Variants in PPP2R2B observed in about 807,000 individuals in gnomAD.
PPP2R2B encodes protein phosphatase 2 regulatory subunit Bbeta.
PPP2R2B carries 5 observed loss-of-function variants against 46.0 expected under a neutral mutation model. That is an observed-to-expected ratio of 0.11 (90% CI 0.06 to 0.23). PPP2R2B has a LOEUF of 0.23. Ranked by LOEUF, PPP2R2B falls within the 10% of genes least tolerant of loss-of-function variation. The pLI, the probability that PPP2R2B is intolerant of heterozygous loss-of-function variation, is 1.00. For missense variants in PPP2R2B, 367 were observed against 575.0 expected (o/e 0.64, Z 3.70); for synonymous variants, 215 against 206.7 (o/e 1.04, Z -0.34).
intron 6 of PPP2R2B, among the ~76,000 whole-genome samples, chr5:146,645,172 G>A (rs1371729938): frequency 6.6e-6 from 1 of 152,204 alleles, no homozygotes. Context: ...TTTGATGAGT[G>A]TGATTTCCTT....
chr5:146,763,022 C>T (rs542474956), intron 2 of PPP2R2B, among the ~76,000 whole-genome samples: 1 of 152,316 alleles, frequency 6.6e-6, no homozygotes, highest in East Asian at 1.9e-4. Flanking sequence ...CCGCCTGGCT[C>T]CAAGAGCAGC....
intron 2 of PPP2R2B, among the ~76,000 whole-genome samples, chr5:146,767,401 A>C (rs1261557793): frequency 2.6e-5 from 4 of 152,104 alleles, no homozygotes; most frequent in Admixed American, 6.6e-5. Context: ...CTGACTCTGC[A>C]GCTGGTTCTT....
chr5:146,884,158 T>C (rs1021596581), intron 1 of PPP2R2B, among the ~76,000 whole-genome samples: 2 of 146,856 alleles, frequency 1.4e-5, no homozygotes, highest in South Asian at 4.5e-4. Flanking sequence ...TAGAAACACA[T>C]TACTTGCTGA....
chr5:147,061,075 AC>A lies in PPP2R2B; in HGVS notation c.50+19983del, dbSNP rs542567369. On this transcript the variant is annotated intron_variant, in intron 2 of 10. Coordinates refer to the PPP2R2B transcript ENST00000394413. ...GATCCTCTTTGTGGTTAGTTCATTT[AC>A]CCATTCATTCATACAATATAATCTT... Among the ~76,000 whole-genome samples the A allele has an allele frequency of 2.8e-4, 43 of 152,300 alleles. 2 individuals are homozygous for A. The South Asian group carries it at 8.5e-3, about 30-fold the overall frequency.
chr5:146,676,924 G>A (rs997851220), intron 5 of PPP2R2B, among the ~76,000 whole-genome samples: 1 of 152,104 alleles, frequency 6.6e-6, no homozygotes, highest in Non-Finnish European at 1.5e-5. Context: ...CTGGTGTGGC[G>A]GTCACCTCTG....
rs538267155 is a variant in PPP2R2B, at chr5:146,922,125, C to T, written c.79+133540G>A. Among the ~76,000 whole-genome samples the T allele has an allele frequency of 7.2e-5, 11 of 152,146 alleles. No homozygotes were observed. In the East Asian group the frequency reaches 2.1e-3, roughly 29 times the overall value. On this transcript the variant is annotated intron_variant, in intron 1 of 8. Transcript: ENST00000336640. ...TAAACTGTACCTATCCAATATGGTG[C>T]CTAGTTGAGGGTTAAGTACATAGCA...
At chr5:147,010,319 A>G (rs1754656862) in intron 1 of PPP2R2B, among the ~76,000 whole-genome samples, 1 of 152,148 alleles carries the variant, frequency 6.6e-6, no homozygotes, top group Non-Finnish European at 1.5e-5. Flanking sequence ...GGAAGGGGGA[A>G]TGGTTCGGGG....
At chr5:146,921,330 T>G (rs892748547) in intron 1 of PPP2R2B, among the ~76,000 whole-genome samples, 4 of 152,014 alleles carry the variant, frequency 2.6e-5, no homozygotes, top group Non-Finnish European at 5.9e-5. Context: ...CCTTTGGGAG[T>G]ACAACCTGAT....
chr5:146,619,495 A>G (rs960647175), intron 7 of PPP2R2B, among the ~76,000 whole-genome samples: 3 of 152,030 alleles, frequency 2.0e-5, no homozygotes, highest in African/African-American at 7.2e-5. Flanking sequence ...CAAAACCATA[A>G]AGGGGCAATT....
intron 7 of PPP2R2B, among the ~76,000 whole-genome samples, chr5:146,606,466 G>A (rs1772279103): frequency 2.0e-5 from 3 of 152,206 alleles, no homozygotes; most frequent in African/African-American, 7.2e-5. Context: ...CAAGCAGCTT[G>A]ACTCCTTCCA....
chr5:146,995,170 C>T (rs1753870071), intron 1 of PPP2R2B, among the ~76,000 whole-genome samples: 1 of 152,202 alleles, frequency 6.6e-6, no homozygotes, highest in South Asian at 2.1e-4. Flanking sequence ...GTCACTTCTT[C>T]AGAGAGATTT....
intron 2 of PPP2R2B, among the ~76,000 whole-genome samples, chr5:146,763,208 G>C (rs1279317355): frequency 1.3e-5 from 2 of 152,150 alleles, no homozygotes; most frequent in Non-Finnish European, 2.9e-5. Flanking sequence ...ACCTGCTCAG[G>C]GTCTAGTAAG....
rs1233850822 is a variant in PPP2R2B at position 146,585,998 on chromosome 5, G to A, written c.*3949C>T. Reference sequence around the variant, plus strand: ...ACCAGGTTGGTTGCTCCCTTGGAAAGCAGTCCCTGAGAGTTGACTTAGAAG... The same window carrying A: ...ACCAGGTTGGTTGCTCCCTTGGAAAACAGTCCCTGAGAGTTGACTTAGAAG... On this transcript the variant is annotated 3_prime_UTR_variant, in exon 10 of 10. Transcript: ENST00000394411. 1.3e-5 allele frequency: 2 copies of A among 152,180 alleles called. No homozygotes were observed. The highest frequency in any genetic ancestry group is 1.5e-5 in the Non-Finnish European group (1 of 68,056). The allele number at this position is 152,180 out of a possible 1,614,324, so 9.4% of individuals were successfully genotyped here.
intron 1 of PPP2R2B, among the ~76,000 whole-genome samples, chr5:146,998,362 C>T (rs1234510639): frequency 6.6e-6 from 1 of 152,150 alleles, no homozygotes; most frequent in East Asian, 1.9e-4. Flanking sequence ...GGAATGTGCT[C>T]TTAGTAAATA....
At chr5:147,065,189 A>G (rs1287576163) in intron 2 of PPP2R2B, among the ~76,000 whole-genome samples, 1 of 152,162 alleles carries the variant, frequency 6.6e-6, no homozygotes, top group African/African-American at 2.4e-5. Context: ...TAAGTGTATG[A>G]TGGAGAACAT....
intron 2 of PPP2R2B, among the ~76,000 whole-genome samples, chr5:146,862,061 A>G (rs1761039398): frequency 6.6e-6 from 1 of 152,208 alleles, no homozygotes; most frequent in East Asian, 1.9e-4. Flanking sequence ...TAAATAATCT[A>G]TTATGATCTT....
chr5:146,822,090 A>G (rs1758297821), intron 2 of PPP2R2B, among the ~76,000 whole-genome samples: 1 of 152,188 alleles, frequency 6.6e-6, no homozygotes, highest in Non-Finnish European at 1.5e-5. Context: ...TAGCTGTCCA[A>G]TCCTTTGTAC....
chr5:147,048,347 C>G (rs911287850), intron 1 of PPP2R2B, among the ~76,000 whole-genome samples: 4 of 152,088 alleles, frequency 2.6e-5, no homozygotes, highest in African/African-American at 9.7e-5. Flanking sequence ...CAATAGGTTA[C>G]TCAGCCTTTC....
chr5:146,976,497 G>A (rs1244182842), intron 1 of PPP2R2B, among the ~76,000 whole-genome samples: 1 of 152,006 alleles, frequency 6.6e-6, no homozygotes, highest in Admixed American at 6.6e-5. Context: ...GTTAATTTTT[G>A]TATATGGTAC....
Sources: allele counts gnomAD v4.1 joint callset (sites outside exome capture counted in the v4.1 genomes callset), GRCh38; gene constraint gnomAD v4.1.1; transcripts MANE v1.5; gene names NCBI Gene and HGNC (gene_info 2026-07-23, HGNC 2026-07-21).